Variants in TRPM3 observed in about 807,000 individuals in gnomAD.
TRPM3 encodes the protein transient receptor potential cation channel subfamily M member 3, also known as long transient receptor potential channel 3.
A neutral mutation model predicts 181.2 loss-of-function variants in TRPM3; 77 were observed. That is an observed-to-expected ratio of 0.42 (90% confidence interval 0.35 to 0.51). The LOEUF is 0.51. TRPM3 is among the 20% of genes least tolerant of loss of function. The probability of loss-of-function intolerance (pLI) is 0.01; values close to 1 mark genes in which losing one functional copy is unlikely to be tolerated. For missense variants in TRPM3, 1,759 were observed against 2,196.7 expected, an observed-to-expected ratio of 0.80 and a Z score of 3.98; for synonymous variants, 745 against 796.4, an observed-to-expected ratio of 0.94 and a Z score of 1.09.
chr9:71,070,430 G>T lies in TRPM3; in HGVS notation c.177+50748C>A, dbSNP rs556586490. Among the ~76,000 whole-genome samples, 52 of 152,240 alleles carry T rather than the reference G, an allele frequency of 3.4e-4. No homozygotes were observed. In the South Asian group the frequency reaches 0.01, roughly 30 times the overall value. On this transcript the variant is annotated intron_variant, in intron 1 of 25. Transcript: ENST00000677713. ...TTACTTTGCTTTTAGCTCTGCACCAGGTTGTGGAACAAATCCACTGCAATT... is the reference window on the plus strand; with the variant it reads ...TTACTTTGCTTTTAGCTCTGCACCATGTTGTGGAACAAATCCACTGCAATT...
chr9:70,800,431 C>T (rs1419325612), intron 6 of TRPM3, among the ~76,000 whole-genome samples: 1 of 152,218 alleles, frequency 6.6e-6, no homozygotes, highest in East Asian at 1.9e-4. Flanking sequence ...GCATATCTTA[C>T]TCAATCTGCT....
At chr9:71,279,164 A>G (rs1361335891) in intron 1 of TRPM3, among the ~76,000 whole-genome samples, 3 of 152,148 alleles carry the variant, frequency 2.0e-5, no homozygotes, top group African/African-American at 7.2e-5. Flanking sequence ...TCTTTAACAG[A>G]TGGGCCTTTA....
At chr9:71,238,033 G>A (rs560455665) in intron 1 of TRPM3, among the ~76,000 whole-genome samples, 2 of 152,238 alleles carry the variant, frequency 1.3e-5, no homozygotes, top group African/African-American at 2.4e-5. Flanking sequence ...AGGGTACAGC[G>A]TGTATCTGTC....
intron 6 of TRPM3, among the ~76,000 whole-genome samples, chr9:70,786,701 GT>G (rs1564284816): frequency 6.6e-6 from 1 of 152,228 alleles, no homozygotes; most frequent in East Asian, 1.9e-4. Flanking sequence ...AAGTAATTGT[GT>G]TTTTTGCCAT....
At chr9:70,814,741 G>A (rs1337112718) in intron 6 of TRPM3, among the ~76,000 whole-genome samples, 1 of 152,084 alleles carries the variant, frequency 6.6e-6, no homozygotes, top group Admixed American at 6.5e-5. Flanking sequence ...AAACACAGCT[G>A]TGGGGGCACT....
chr9:70,898,083 C>G (rs2096308678), intron 1 of TRPM3, among the ~76,000 whole-genome samples: 1 of 151,902 alleles, frequency 6.6e-6, no homozygotes, highest in Non-Finnish European at 1.5e-5. Flanking sequence ...TTGCAGGCAC[C>G]TACATTCTCA....
At chr9:71,172,092 G>A (rs532790997) in intron 1 of TRPM3, among the ~76,000 whole-genome samples, 8 of 152,050 alleles carry the variant, frequency 5.3e-5, no homozygotes, top group Middle Eastern at 3.4e-3. Flanking sequence ...TTTGCAGGAC[G>A]TGTCTTGCTC....
rs554064472 is a variant in TRPM3, at chr9:71,097,486, AG to A, written c.177+23691del. Among the ~76,000 whole-genome samples the A allele has an allele frequency of 9.7e-4, 148 of 152,238 alleles. 1 individual carries two copies. The highest frequency in any genetic ancestry group is 3.5e-3 in the African/African-American group (144 of 41,548). On this transcript the variant is annotated intron_variant, in intron 1 of 25. Transcript: ENST00000677713. ...AATATACGTACATTTTTTAGTTTAA[AG>A]GTTCTTCCAAACTTCTCTTAGCTTA...
chr9:71,147,576 T>C (rs527483651), intron 1 of TRPM3, among the ~76,000 whole-genome samples: 9 of 152,254 alleles, frequency 5.9e-5, no homozygotes, highest in Admixed American at 2.0e-4. Context: ...TACATACACT[T>C]GACAAAAACC....
chr9:71,162,432 T>C (rs1167527217), intron 1 of TRPM3, among the ~76,000 whole-genome samples: 1 of 152,048 alleles, frequency 6.6e-6, no homozygotes, highest in Non-Finnish European at 1.5e-5. Context: ...ATCATTTAGA[T>C]CACTAGTTTT....
chr9:70,767,054 A>G (rs959027124), intron 7 of TRPM3, among the ~76,000 whole-genome samples: 2 of 152,228 alleles, frequency 1.3e-5, no homozygotes, highest in Non-Finnish European at 2.9e-5. Flanking sequence ...GCTTTTTAGG[A>G]AAGAGTCACT....
intron 15 of TRPM3, 29 bp from the exon 16 acceptor site, chr9:70,620,394 G>GAGTT (rs1334193636): frequency 6.3e-7 from 1 of 1,579,992 alleles, no homozygotes; most frequent in Non-Finnish European, 8.6e-7. Flanking sequence ...CACACAGACT[G>GAGTT]AGTTAGAAAT....
At position 70,751,999 on chromosome 9, in the gene TRPM3, A is replaced by AGTGTGT. The variant is rs71507124; in HGVS notation, c.1272+9596_1272+9601dup. Among the ~76,000 whole-genome samples the AGTGTGT allele has an allele frequency of 3.1e-3, 327 of 104,444 alleles. 1 individual carries two copies. Among genetic ancestry groups the AGTGTGT allele is most frequent in the Middle Eastern group, 0.011 (2 of 174 alleles). 68.5% of individuals were successfully genotyped at this position (104,444 alleles called of 152,430 possible). A position where few individuals can be genotyped will look rare whatever the true frequency, so the allele number is the denominator to read the frequency against. ...ATGCAGTTTCAATCCACATCTCAAC[A>AGTGTGT]GTGTGTGTGTGTGTGTGTGTGTGTG... On this transcript the variant is annotated intron_variant, in intron 8 of 25. Transcript: ENST00000677713.
chr9:70,790,296 A>G (rs1226615305), intron 6 of TRPM3, among the ~76,000 whole-genome samples: 2 of 152,298 alleles, frequency 1.3e-5, no homozygotes, highest in African/African-American at 4.8e-5. Flanking sequence ...GCCACAGATC[A>G]TGATTATTAC....
chr9:70,573,343 C>A (rs1472829271), intron 22 of TRPM3, among the ~76,000 whole-genome samples: 2 of 152,136 alleles, frequency 1.3e-5, no homozygotes. Context: ...TGGTTTCATT[C>A]CTGGAAAAAT....
At chr9:71,406,570 A>T (rs2131414704) in intron 1 of TRPM3, among the ~76,000 whole-genome samples, 1 of 152,320 alleles carries the variant, frequency 6.6e-6, no homozygotes, top group Non-Finnish European at 1.5e-5. Context: ...ACCTTTTTTT[A>T]AATAGAGAAA....
At chr9:70,691,622 G>A (rs1205541832) in intron 8 of TRPM3, among the ~76,000 whole-genome samples, 4 of 152,040 alleles carry the variant, frequency 2.6e-5, no homozygotes, top group African/African-American at 4.8e-5. Flanking sequence ...TCCTCCCACC[G>A]TCATTTAAGA....
In TRPM3 at chr9:70,793,579, C is replaced by T. The variant is rs143023730; in HGVS notation, c.974-9300G>A. 1.9e-4 allele frequency: 88 copies of T among 469,408 alleles called. 1 individual carries two copies. In the East Asian group the frequency reaches 4.9e-3, roughly 26 times the overall value. 29.1% of individuals were successfully genotyped at this position (469,408 alleles called of 1,614,324 possible). On this transcript the variant is annotated intron_variant, in intron 6 of 25. Coordinates refer to ENST00000677713, the MANE Select transcript of TRPM3 (RefSeq NM_001366145.2). ...TATATATACCCCTTTATGTACTTTG[C>T]ATGAGATTATCATGATCAAACATTC...
intron 18 of TRPM3, among the ~76,000 whole-genome samples, chr9:70,614,621 G>A (rs966621475): frequency 3.9e-5 from 6 of 152,180 alleles, no homozygotes; most frequent in African/African-American, 1.4e-4. Context: ...AGTTCACAGT[G>A]TGCCAGTCTC....
Sources: gnomAD v4.1 joint callset for allele counts (sites outside exome capture counted in the v4.1 genomes callset) on GRCh38, gnomAD v4.1.1 for gene constraint, MANE v1.5 for transcripts, NCBI Gene and HGNC (gene_info 2026-07-23, HGNC 2026-07-21) for gene names.